CDC25C: variants seen among roughly 807,000 people sequenced by gnomAD.
The protein encoded by CDC25C is M-phase inducer phosphatase 3.
A neutral mutation model predicts 52.5 loss-of-function variants in CDC25C; 48 were observed. The observed-to-expected ratio is 0.91, with a 90% CI of 0.72 to 1.16. CDC25C has a LOEUF of 1.16. Among genes scored for constraint, CDC25C ranks in the 50% most tolerant of loss-of-function variants. The probability of loss-of-function intolerance (pLI) is 0.00; values close to 1 mark genes in which losing one functional copy is unlikely to be tolerated. For missense variants in CDC25C, 510 were observed against 566.1 expected, an observed-to-expected ratio of 0.90 and a Z score of 1.01; for synonymous variants, 187 against 206.5, an observed-to-expected ratio of 0.91 and a Z score of 0.81.
intron 11 of CDC25C, 81 bp from the exon 12 acceptor site, chr5:138,286,711 C>A: frequency 7.5e-7 from 1 of 1,331,434 alleles, no homozygotes; most frequent in South Asian, 1.4e-5. Context: ...GAGACGCCAA[C>A]CTGGGATAAT....
intron 7 of CDC25C, among the ~76,000 whole-genome samples, chr5:138,314,586 G>C (rs1297256232): frequency 6.9e-6 from 1 of 145,918 alleles, no homozygotes; most frequent in African/African-American, 2.5e-5. Flanking sequence ...GTGAGTCACC[G>C]CTCCCAGCCT....
intron 10 of CDC25C, 111 bp from the exon 11 acceptor site, chr5:138,287,378 G>A (rs1401729822): frequency 4.6e-6 from 3 of 658,524 alleles, no homozygotes; most frequent in African/African-American, 3.5e-5. Flanking sequence ...TGTATGTCCA[G>A]CCTCCAAAGT....
chr5:138,320,777 A>G (rs943330852), intron 6 of CDC25C, among the ~76,000 whole-genome samples: 5 of 151,892 alleles, frequency 3.3e-5, no homozygotes, highest in Admixed American at 6.6e-5. Context: ...TTCACCAGGC[A>G]TGGTAGCACA....
At chr5:138,291,304 T>C (rs1473144323) in intron 8 of CDC25C, among the ~76,000 whole-genome samples, 1 of 152,122 alleles carries the variant, frequency 6.6e-6, no homozygotes, top group African/African-American at 2.4e-5. Context: ...TATATGATGT[T>C]GTTTCTGTCA....
At chr5:138,289,428 TG>T (rs1206372358) in intron 10 of CDC25C, 72 bp downstream of exon 10, 21 of 1,043,436 alleles carry the variant, frequency 2.0e-5, no homozygotes, top group Non-Finnish European at 3.2e-5. Flanking sequence ...CAAATGGAAA[TG>T]GGCATTTTAG....
chr5:138,325,725 A>G (rs1024364783), intron 6 of CDC25C, 90 bp downstream of exon 6: 1 of 867,314 alleles, frequency 1.2e-6, no homozygotes, highest in Admixed American at 2.1e-5. Flanking sequence ...CATACGAGGT[A>G]TAAACAGTTC....
At chr5:138,308,901 C>T (rs1758233783) in intron 7 of CDC25C, among the ~76,000 whole-genome samples, 1 of 152,094 alleles carries the variant, frequency 6.6e-6, no homozygotes, top group Non-Finnish European at 1.5e-5. Flanking sequence ...CACCTTACCT[C>T]ATGACCCAAT....
chr5:138,287,795 AC>A, intron 10 of CDC25C, among the ~76,000 whole-genome samples: 1 of 152,334 alleles, frequency 6.6e-6, no homozygotes, highest in East Asian at 1.9e-4. Context: ...AAATGTAATC[AC>A]ACTTTGACTC....
At chr5:138,315,618 G>C (rs1207266678) in intron 7 of CDC25C, among the ~76,000 whole-genome samples, 1 of 152,206 alleles carries the variant, frequency 6.6e-6, no homozygotes, top group Non-Finnish European at 1.5e-5. Flanking sequence ...ATGTGATGAG[G>C]ACATAAACTG....
chr5:138,327,728 CTAT>C (rs1231978284), intron 4 of CDC25C, among the ~76,000 whole-genome samples: 2 of 152,064 alleles, frequency 1.3e-5, no homozygotes, highest in African/African-American at 4.8e-5. Flanking sequence ...ATGAGAAATG[CTAT>C]TATTGTCTCC....
intron 1 of CDC25C, chr5:138,337,768 G>A: frequency 8.0e-6 from 3 of 372,970 alleles, no homozygotes; most frequent in Non-Finnish European, 5.1e-6. Context: ...CTTCCCAGCA[G>A]CCTTCACGCC....
At chr5:138,327,465 T>C (rs955667434) in intron 4 of CDC25C, among the ~76,000 whole-genome samples, 1 of 151,672 alleles carries the variant, frequency 6.6e-6, no homozygotes, top group South Asian at 2.1e-4. Flanking sequence ...GCCTCCATTT[T>C]TGTATTACTA....
intron 2 of CDC25C, among the ~76,000 whole-genome samples, chr5:138,330,729 G>T (rs575727972): frequency 3.9e-5 from 6 of 152,248 alleles, no homozygotes; most frequent in Admixed American, 3.9e-4. Context: ...GGCTGGTCTT[G>T]AACTCCTAGA....
At chr5:138,315,459 A>T (rs975248344) in intron 7 of CDC25C, among the ~76,000 whole-genome samples, 3 of 151,586 alleles carry the variant, frequency 2.0e-5, no homozygotes, top group Non-Finnish European at 4.4e-5. Flanking sequence ...TGCTCTTTAA[A>T]TTTTTTTTTC....
chr5:138,326,509 T>A (rs1272964373), intron 4 of CDC25C, among the ~76,000 whole-genome samples: 1 of 151,974 alleles, frequency 6.6e-6, no homozygotes, highest in Non-Finnish European at 1.5e-5. Flanking sequence ...ATTCAGCTAA[T>A]TTTTTGTATT....
chr5:138,289,345 GA>G (rs952618879), intron 10 of CDC25C, 155 bp downstream of exon 10: 43 of 584,884 alleles, frequency 7.4e-5, no homozygotes, highest in Middle Eastern at 4.4e-4. Flanking sequence ...GAAGAATGGG[GA>G]AAAAAATGAG....
chr5:138,305,379 T>C (rs1467829431), intron 7 of CDC25C, among the ~76,000 whole-genome samples: 1 of 152,188 alleles, frequency 6.6e-6, no homozygotes, highest in African/African-American at 2.4e-5. Context: ...ATCATTACAC[T>C]TGGACTATTT....
intron 4 of CDC25C, among the ~76,000 whole-genome samples, chr5:138,328,046 T>C (rs775184388): frequency 7.2e-5 from 11 of 152,192 alleles, no homozygotes; most frequent in Non-Finnish European, 1.5e-4. Flanking sequence ...TTTGTATTTT[T>C]AGTAGAGACG....
At chr5:138,302,949 G>T (rs1757744567) in intron 7 of CDC25C, among the ~76,000 whole-genome samples, 1 of 151,462 alleles carries the variant, frequency 6.6e-6, no homozygotes, top group Admixed American at 6.6e-5. Context: ...TTTGCCTGTA[G>T]TCCCAGCTAC....
Sources: allele counts gnomAD v4.1 joint callset (sites outside exome capture counted in the v4.1 genomes callset), GRCh38; gene constraint gnomAD v4.1.1; transcripts MANE v1.5; gene names NCBI Gene and HGNC (gene_info 2026-07-23, HGNC 2026-07-21).